MRPS34: variants seen among roughly 807,000 people sequenced by gnomAD.
MRPS34 encodes the protein small ribosomal subunit protein mS34.
In MRPS34, 12 loss-of-function variants were observed where a neutral mutation model predicts 13.3. That is an observed-to-expected ratio of 0.90 (90% CI 0.58 to 1.46). The LOEUF is 1.46. Among genes scored for constraint, MRPS34 ranks in the 40% most tolerant of loss-of-function variants. MRPS34 has a pLI of 0.00. For missense variants in MRPS34, 419 were observed against 335.3 expected (o/e 1.25, Z -1.95); for synonymous variants, 181 against 149.3 (o/e 1.21, Z -1.55).
Position 1,772,193 on chromosome 16 carries a change from C to G in MRPS34, c.*28G>C, listed in dbSNP as rs763984874. 6.3e-7 allele frequency: 1 copy of G among 1,591,802 alleles called. No homozygotes were observed. The highest frequency in any genetic ancestry group is 1.7e-5 in the Admixed American group (1 of 59,526). On this transcript the variant is annotated 3_prime_UTR_variant, in exon 3 of 3. Transcript: ENST00000397375. The stretch of plus-strand genomic sequence containing the variant: ...ATAAGGTCCCCACTGCCTCACAGCC[C>G]CTAAGGCCACCCGCTGGTTCTGGCA...
Position 1,772,959 on chromosome 16 carries a change from G to T in MRPS34, c.161C>A (p.Ala54Asp). 1 of 1,450,512 alleles carries T rather than the reference G, an allele frequency of 6.9e-7. No homozygotes were observed. The allele number at this position is 1,450,512 out of a possible 1,614,324, so 89.9% of individuals were successfully genotyped here. Residue 54 changes from alanine (A) to aspartate (D), a missense_variant, in exon 1 of 3, where the codon GCC (alanine) becomes GAC (aspartate). Transcript: ENST00000397375. ...PFSGRRLPVR[A>D]WADVRRESRL... ...GCTCTCGCGGCGCACGTCGGCCCAG[G>T]CCCGGACCGGCAGCCGGCGTCCAGA... is the stretch of plus-strand genomic sequence containing the variant.
In MRPS34 at chr16:1,772,517, A is replaced by G. The variant is rs1474563172; in HGVS notation, c.365-4T>C. On this transcript the variant is annotated splice_polypyrimidine_tract_variant and splice_region_variant and intron_variant, in intron 2 of 2. Transcript: ENST00000397375. ...CGCGCCTCGCTCTCAGTCTTCCCTG[A>G]TGAAGAAAAAGAGGCGTCTGCACAC... 8 of 1,610,662 alleles carry G rather than the reference A, an allele frequency of 5.0e-6. No homozygotes were observed. Among genetic ancestry groups the G allele is most frequent in the African/African-American group, 1.3e-5 (1 of 74,866 alleles).
In MRPS34 at chr16:1,772,537, G is replaced by C. The variant is rs748942265; in HGVS notation, c.365-24C>G. The C allele has an allele frequency of 2.5e-6, 4 of 1,612,022 alleles. No homozygotes were observed. The African/African-American group carries it at 5.3e-5, about 22-fold the overall frequency. Reference sequence around the variant, plus strand: ...CCCTGATGAAGAAAAAGAGGCGTCTGCACACACTTGCTGTGCCGTCGGCGG... The same window carrying C: ...CCCTGATGAAGAAAAAGAGGCGTCTCCACACACTTGCTGTGCCGTCGGCGG... On this transcript the variant is annotated intron_variant, in intron 2 of 2. Coordinates refer to ENST00000397375, the MANE Select transcript of MRPS34 (RefSeq NM_023936.2).
chr16:1,772,848 T>C lies in MRPS34; in HGVS notation c.272A>G (p.Glu91Gly). Residue 91 changes from glutamate to glycine, a missense_variant, in exon 1 of 3, where the codon GAG becomes GGG. By Grantham distance (98) the Glu-to-Gly change is moderately conservative. Coordinates refer to ENST00000397375, the MANE Select transcript of MRPS34 (RefSeq NM_023936.2). ...TRKSWLWQHD[E>G]PCYWRLTRVR... The stretch of plus-strand genomic sequence containing the variant: ...CCGCGTGAGGCGCCAGTAGCACGGC[T>C]CGTCGTGCTGCCACAGCCAGGACTT... 2 of 1,443,768 alleles carry C rather than the reference T, an allele frequency of 1.4e-6. No individual in the cohort carries two copies. The highest frequency in any genetic ancestry group is 1.8e-6 in the Non-Finnish European group (2 of 1,103,404). The allele number at this position is 1,443,768 out of a possible 1,614,324, so 89.4% of individuals were successfully genotyped here.
rs369458054 is a variant in MRPS34, at chr16:1,772,586, C to T, written c.364+18G>A. On this transcript the variant is annotated intron_variant, in intron 2 of 2. Coordinates refer to ENST00000397375, the MANE Select transcript of MRPS34 (RefSeq NM_023936.2). Reference sequence around the variant, plus strand: ...GGTCGGCATCGAACTGCCGGGCACCCGCTCTCCCGAGCCTTACCTTTGAAG... The same window carrying T: ...GGTCGGCATCGAACTGCCGGGCACCTGCTCTCCCGAGCCTTACCTTTGAAG... 7 of 1,612,174 alleles carry T rather than the reference C, an allele frequency of 4.3e-6. No individual in the cohort carries two copies. The African/African-American group carries it at 9.3e-5, about 22-fold the overall frequency.
At chr16:1,772,537 G>T in intron 2 of MRPS34, 24 bp from the exon 3 acceptor site, 3 of 1,612,140 alleles carry the variant, frequency 1.9e-6, no homozygotes, top group Non-Finnish European at 2.5e-6. Context: ...AGAGGCGTCT[G>T]CACACACTTG....
chr16:1,772,132 G>A lies in MRPS34; in HGVS notation c.*89C>T, dbSNP rs777335912. The A allele has an allele frequency of 7.5e-7, 1 of 1,340,986 alleles. No homozygotes were observed. The highest frequency in any genetic ancestry group is 1.3e-5 in the South Asian group (1 of 75,428). The allele number at this position is 1,340,986 out of a possible 1,614,324, so 83.1% of individuals were successfully genotyped here. On this transcript the variant is annotated 3_prime_UTR_variant, in exon 3 of 3. Coordinates refer to ENST00000397375, the MANE Select transcript of MRPS34 (RefSeq NM_023936.2). ...GGTGAGCTCCCTGCTCCGAGAGGCAGACTCGGGTGTAACGCAAAGACGGTT... is the reference window on the plus strand; with the variant it reads ...GGTGAGCTCCCTGCTCCGAGAGGCAAACTCGGGTGTAACGCAAAGACGGTT...
At position 1,772,056 on chromosome 16, in the gene MRPS34, T is replaced by C; in HGVS notation, c.*165A>G. On this transcript the variant is annotated 3_prime_UTR_variant, in exon 3 of 3. Coordinates refer to ENST00000397375, the MANE Select transcript of MRPS34 (RefSeq NM_023936.2). ...CCAGAGGAAAGGCACAGGTGGCGAT[T>C]TGCCCCAGCCCTCCCCCCTAAGATG... The C allele has an allele frequency of 1.3e-6, 1 of 748,732 alleles. No individual in the cohort carries two copies. The allele number at this position is 748,732 out of a possible 1,614,324, so 46.4% of individuals were successfully genotyped here.
At position 1,772,937 on chromosome 16, in the gene MRPS34, C is replaced by T. The variant is rs1348279393; in HGVS notation, c.183G>A (p.Glu61=). 4.0e-5 allele frequency: 58 copies of T among 1,446,796 alleles called. No homozygotes were observed. The highest frequency in any genetic ancestry group is 4.8e-5 in the Non-Finnish European group (53 of 1,105,656). 89.6% of individuals were successfully genotyped at this position (1,446,796 alleles called of 1,614,324 possible). The change falls in exon 1 of 3, where the codon GAG becomes GAA. Residue 61 remains glutamate (E), a synonymous_variant. Coordinates refer to ENST00000397375, the MANE Select transcript of MRPS34 (RefSeq NM_023936.2). The stretch of plus-strand genomic sequence containing the variant: ...GGCCGAGCAGCTGCAAGAGGCGGCT[C>T]TCGCGGCGCACGTCGGCCCAGGCCC... ...PVRAWADVRR[E]SRLLQLLGRL...
chr16:1,772,976 G>A lies in MRPS34; in HGVS notation c.144C>T (p.Arg48=), dbSNP rs1021652235. ...CGGCCCAGGCCCGGACCGGCAGCCG[G>A]CGTCCAGAGAACGGCCGCGTCAAGG... is the stretch of plus-strand genomic sequence containing the variant. The part of the protein sequence containing the change: ...YETLTRPFSG[R]RLPVRAWADV... Residue 48 remains arginine (R), a synonymous_variant, in exon 1 of 3, where the codon CGC becomes CGT. Coordinates refer to ENST00000397375, the MANE Select transcript of MRPS34 (RefSeq NM_023936.2). The A allele has an allele frequency of 6.2e-6, 9 of 1,449,906 alleles. No homozygotes were observed. The highest frequency in any genetic ancestry group is 3.7e-4 in the Middle Eastern group (2 of 5,372). 89.8% of individuals were successfully genotyped at this position (1,449,906 alleles called of 1,614,324 possible).
rs1212574449 is a variant in MRPS34, at chr16:1,772,288, C to T, written c.590G>A (p.Arg197His). Residue 197 changes from arginine to histidine, a missense_variant, in exon 3 of 3, where the codon CGC (arginine) becomes CAC (histidine). By Grantham distance (29) the Arg-to-His change is conservative (BLOSUM62 0). Transcript: ENST00000397375. ...TGCAGGGTAATCCCAGGGTTCCATG[C>T]GTATCCTCTGCACATTCAGCATGGG... Reference protein sequence around the residue: ...EEPMLNVQRIRMEPWDYPAKQ... With the variant: ...EEPMLNVQRIHMEPWDYPAKQ... 1.2e-6 allele frequency: 2 copies of T among 1,612,922 alleles called. No homozygotes were observed. The highest frequency in any genetic ancestry group is 1.7e-6 in the Non-Finnish European group (2 of 1,179,976).
rs749995544 is a variant in MRPS34, at chr16:1,773,074, G to T, written c.46C>A (p.Arg16Ser). Residue 16 changes from arginine to serine, a missense_variant, in exon 1 of 3, where the codon CGC becomes AGC. Arg to Ser is a moderately radical substitution (Grantham distance 110). Transcript: ENST00000397375. ...VRPRLIAELA[R>S]RVRALREQLN... ...TGCTCCCGCAGGGCGCGCACGCGGC[G>T]GGCCAGCTCCGCGATCAGCCGCGGA... The T allele has an allele frequency of 4.2e-6, 6 of 1,413,996 alleles. No homozygotes were observed. In the African/African-American group the frequency reaches 9.1e-5, roughly 21 times the overall value. The allele number at this position is 1,413,996 out of a possible 1,614,324, so 87.6% of individuals were successfully genotyped here.
At position 1,772,049 on chromosome 16, in the gene MRPS34, T is replaced by C. The variant is rs2042623670; in HGVS notation, c.*172A>G. 2.8e-6 allele frequency: 2 copies of C among 703,216 alleles called. No homozygotes were observed. Among genetic ancestry groups the C allele is most frequent in the African/African-American group, 3.6e-5 (2 of 56,030 alleles). The allele number at this position is 703,216 out of a possible 1,614,324, so 43.6% of individuals were successfully genotyped here. A position where few individuals can be genotyped will look rare whatever the true frequency, so the allele number is the denominator to read the frequency against. On this transcript the variant is annotated 3_prime_UTR_variant, in exon 3 of 3. Coordinates refer to ENST00000397375, the MANE Select transcript of MRPS34 (RefSeq NM_023936.2). ...AGCAGGGCCAGAGGAAAGGCACAGG[T>C]GGCGATTTGCCCCAGCCCTCCCCCC...
chr16:1,773,078 C>A lies in MRPS34; in HGVS notation c.42G>T (p.Leu14=). The A allele has an allele frequency of 7.1e-7, 1 of 1,413,774 alleles. No homozygotes were observed. Among genetic ancestry groups the A allele is most frequent in the South Asian group, 1.6e-5 (1 of 64,172 alleles). The allele number at this position is 1,413,774 out of a possible 1,614,324, so 87.6% of individuals were successfully genotyped here. ...CCCGCAGGGCGCGCACGCGGCGGGC[C>A]AGCTCCGCGATCAGCCGCGGACGCA... The part of the protein sequence containing the change: ...KKVRPRLIAE[L]ARRVRALREQ... The change falls in exon 1 of 3, where the codon CTG becomes CTT. Residue 14 remains leucine, a synonymous_variant. Coordinates refer to ENST00000397375, the MANE Select transcript of MRPS34 (RefSeq NM_023936.2).
chr16:1,772,028 G>A lies in MRPS34; in HGVS notation c.*193C>T, dbSNP rs2042623428. On this transcript the variant is annotated 3_prime_UTR_variant, in exon 3 of 3. Coordinates refer to ENST00000397375, the MANE Select transcript of MRPS34 (RefSeq NM_023936.2). ...CTCGGAGTTGGGTGTGGGGGCAGCA[G>A]GGCCAGAGGAAAGGCACAGGTGGCG... 1 of 638,278 alleles carries A rather than the reference G, an allele frequency of 1.6e-6. No individual in the cohort carries two copies. Among genetic ancestry groups the A allele is most frequent in the Non-Finnish European group, 2.7e-6 (1 of 369,462 alleles). 39.5% of individuals were successfully genotyped at this position (638,278 alleles called of 1,614,324 possible). A position where few individuals can be genotyped will look rare whatever the true frequency, so the allele number is the denominator to read the frequency against.
In MRPS34 at chr16:1,772,321, G is replaced by A. The variant is rs1290446480; in HGVS notation, c.557C>T (p.Thr186Ile). 5 of 1,612,988 alleles carry A rather than the reference G, an allele frequency of 3.1e-6. No individual in the cohort carries two copies. Among genetic ancestry groups the A allele is most frequent in the South Asian group, 2.2e-5 (2 of 91,088 alleles). The stretch of plus-strand genomic sequence containing the variant: ...CTGCACATTCAGCATGGGCTCCTCG[G>A]TGCTTGTGTCTCCATTTTTCTGTCG... ...AERQKNGDTS[T>I]EEPMLNVQRI... is the part of the protein sequence containing the mutation. Residue 186 changes from threonine (T) to isoleucine (I), a missense_variant, in exon 3 of 3, where the codon ACC becomes ATC. Coordinates refer to ENST00000397375, the MANE Select transcript of MRPS34 (RefSeq NM_023936.2).
In MRPS34 at chr16:1,772,883, C is replaced by T. The variant is rs2042643908; in HGVS notation, c.237G>A (p.Leu79=). 8 of 1,451,692 alleles carry T rather than the reference C, an allele frequency of 5.5e-6. No individual in the cohort carries two copies. Among genetic ancestry groups the T allele is most frequent in the East Asian group, 5.2e-5 (2 of 38,574 alleles). The allele number at this position is 1,451,692 out of a possible 1,614,324, so 89.9% of individuals were successfully genotyped here. A position where few individuals can be genotyped will look rare whatever the true frequency, so the allele number is the denominator to read the frequency against. ...GRLPLFGLGR[L]VTRKSWLWQH... ...GCCACAGCCAGGACTTGCGCGTGAC[C>T]AGGCGGCCCAGGCCGAAGAGCGGGA... is the stretch of plus-strand genomic sequence containing the variant. Residue 79 remains leucine (L), a synonymous_variant, in exon 1 of 3, where the codon CTG becomes CTA. Transcript: ENST00000397375.
rs746385412 is a variant in MRPS34, at chr16:1,772,612, G to A, written c.356C>T (p.Thr119Ile). 18 of 1,611,260 alleles carry A rather than the reference G, an allele frequency of 1.1e-5. No homozygotes were observed. Among genetic ancestry groups the A allele is most frequent in the Non-Finnish European group, 7.6e-6 (9 of 1,179,958 alleles). ...GCTCTCCCGAGCCTTACCTTTGAAG[G>A]TCAGGATGCCCCAGGCCTTCCCGTG... ...LDHGKAWGIL[T>I]FKGKTESEAR... The change falls in exon 2 of 3, where the codon ACC becomes ATC. Residue 119 changes from threonine (T) to isoleucine (I), a missense_variant. Transcript: ENST00000397375.
rs894769666 is a variant in MRPS34 at position 1,772,849 on chromosome 16, C to G, written c.271G>C (p.Glu91Gln). The G allele has an allele frequency of 6.9e-7, 1 of 1,443,564 alleles. No individual in the cohort carries two copies. Among genetic ancestry groups the G allele is most frequent in the African/African-American group, 1.4e-5 (1 of 69,930 alleles). The allele number at this position is 1,443,564 out of a possible 1,614,324, so 89.4% of individuals were successfully genotyped here. Residue 91 changes from glutamate (E) to glutamine (Q), a missense_variant, in exon 1 of 3, where the codon GAG (glutamate) becomes CAG (glutamine). Glu to Gln is a conservative substitution (Grantham distance 29). Transcript: ENST00000397375. ...CGCGTGAGGCGCCAGTAGCACGGCT[C>G]GTCGTGCTGCCACAGCCAGGACTTG... Reference protein sequence around the residue: ...TRKSWLWQHDEPCYWRLTRVR... With the variant: ...TRKSWLWQHDQPCYWRLTRVR...
Sources: gnomAD v4.1 joint callset for allele counts on GRCh38, gnomAD v4.1.1 for gene constraint, MANE v1.5 for transcripts, NCBI Gene and HGNC (gene_info 2026-07-23, HGNC 2026-07-21) for gene names.